Variants in ZBTB2 observed in about 807,000 individuals in gnomAD.
ZBTB2 encodes the protein zinc finger and BTB domain containing 2.
ZBTB2 carries 2 observed loss-of-function variants against 39.5 expected under a neutral mutation model. That is an observed-to-expected ratio of 0.05 (90% CI 0.02 to 0.16). The LOEUF is 0.16. Among genes scored for constraint, ZBTB2 ranks in the 10% least tolerant of loss-of-function variants. ZBTB2 has a pLI of 1.00. For synonymous variants in ZBTB2, 251 were observed against 256.6 expected (o/e 0.98, Z 0.21); for missense variants, 391 against 653.0 (o/e 0.60, Z 4.37).
intron 1 of ZBTB2, among the ~76,000 whole-genome samples, chr6:151,387,042 G>C (rs1021233453): frequency 2.0e-5 from 3 of 152,172 alleles, no homozygotes; most frequent in East Asian, 1.9e-4. Flanking sequence ...TGTTTTGGTT[G>C]AGTAGTGAAG....
chr6:151,367,283 GTTAA>G, intron 2 of ZBTB2, among the ~76,000 whole-genome samples: 1 of 152,198 alleles, frequency 6.6e-6, no homozygotes, highest in South Asian at 2.1e-4. Flanking sequence ...ACCACGCCCA[GTTAA>G]TTTTTGTATT....
intron 1 of ZBTB2, among the ~76,000 whole-genome samples, chr6:151,381,465 G>A (rs1408439525): frequency 2.0e-5 from 3 of 151,930 alleles, no homozygotes; most frequent in Non-Finnish European, 4.4e-5. Flanking sequence ...AGGTTGCAGT[G>A]AGCCAAGATC....
intron 1 of ZBTB2, among the ~76,000 whole-genome samples, chr6:151,381,090 A>G (rs1459777507): frequency 6.6e-6 from 1 of 152,032 alleles, no homozygotes; most frequent in Non-Finnish European, 1.5e-5. Flanking sequence ...ATTAATTGAA[A>G]CTTTACCCTC....
chr6:151,372,936 C>T (rs1448343274), intron 2 of ZBTB2, among the ~76,000 whole-genome samples: 3 of 151,996 alleles, frequency 2.0e-5, no homozygotes, highest in South Asian at 2.1e-4. Context: ...GGGCAGATCA[C>T]GAGGTCAGGA....
intron 1 of ZBTB2, among the ~76,000 whole-genome samples, chr6:151,382,983 T>C (rs1779070609): frequency 6.6e-6 from 1 of 151,732 alleles, no homozygotes; most frequent in Non-Finnish European, 1.5e-5. Context: ...TGGAGTGCAG[T>C]GGTGTGATCT....
chr6:151,378,422 GA>G (rs1379729815), intron 1 of ZBTB2, among the ~76,000 whole-genome samples: 7 of 152,162 alleles, frequency 4.6e-5, no homozygotes, highest in African/African-American at 1.2e-4. Flanking sequence ...GTATGCCAGA[GA>G]AGGTGAAAGC....
In ZBTB2 at chr6:151,375,051, C is replaced by T. The variant is rs554808132; in HGVS notation, c.-12-1402G>A. On this transcript the variant is annotated intron_variant, in intron 1 of 2. Transcript: ENST00000325144. ...AGGAGAATGGCATGAACCCAGGAGG[C>T]GGAGCTTGCGGTGAGCCGAGCTCAC... Among the ~76,000 whole-genome samples the T allele has an allele frequency of 2.6e-5, 4 of 151,714 alleles. No individual in the cohort carries two copies. The East Asian group carries it at 5.8e-4, about 22-fold the overall frequency.
intron 1 of ZBTB2, among the ~76,000 whole-genome samples, chr6:151,379,352 A>G (rs1186096626): frequency 6.6e-6 from 1 of 152,158 alleles, no homozygotes; most frequent in African/African-American, 2.4e-5. Context: ...CCAATTTAAT[A>G]AAACCAGGCC....
rs529995614 is a variant in ZBTB2 at position 151,390,085 on chromosome 6, G to A, written c.-13+1335C>T. 1.2e-4 allele frequency among the ~76,000 whole-genome samples: 18 copies of A among 152,076 alleles called. 1 individual carries two copies. Among genetic ancestry groups the A allele is most frequent in the Admixed American group, 7.8e-4 (12 of 15,300 alleles). ...AGCAGCCGAAAGCACAGCGCGCTCGGGGCCAAACCGGGCTGTATCGCAGGC... is the reference window on the plus strand; with the variant it reads ...AGCAGCCGAAAGCACAGCGCGCTCGAGGCCAAACCGGGCTGTATCGCAGGC... On this transcript the variant is annotated intron_variant, in intron 1 of 2. Transcript: ENST00000325144.
At chr6:151,380,232 T>C (rs1025137167) in intron 1 of ZBTB2, among the ~76,000 whole-genome samples, 3 of 151,102 alleles carry the variant, frequency 2.0e-5, no homozygotes, top group Non-Finnish European at 4.4e-5. Context: ...TTGAAAAAAA[T>C]CTTCTTTTGG....
intron 1 of ZBTB2, among the ~76,000 whole-genome samples, chr6:151,378,349 A>C (rs1366033104): frequency 1.3e-5 from 2 of 152,200 alleles, no homozygotes; most frequent in Non-Finnish European, 2.9e-5. Context: ...TTTGGGTATA[A>C]AGACCTAGAC....
chr6:151,390,461 A>C (rs1342419486), intron 1 of ZBTB2, among the ~76,000 whole-genome samples: 2 of 148,212 alleles, frequency 1.3e-5, no homozygotes, highest in African/African-American at 4.9e-5. Context: ...CGCTCGCCCC[A>C]AGTCCCGCGG....
chr6:151,378,572 C>T (rs1385569241), intron 1 of ZBTB2, among the ~76,000 whole-genome samples: 2 of 152,202 alleles, frequency 1.3e-5, no homozygotes, highest in African/African-American at 2.4e-5. Flanking sequence ...AACTTAGAAG[C>T]TTGTCTTCAA....
Position 151,366,074 on chromosome 6 carries a change from C to G in ZBTB2, c.992G>C (p.Gly331Ala). The change falls in exon 3 of 3, where the codon GGG becomes GCG. Residue 331 changes from glycine to alanine, a missense_variant. Physicochemically the swap from Gly to Ala is moderately conservative, Grantham distance 60 (BLOSUM62 0). Coordinates refer to ENST00000325144, the MANE Select transcript of ZBTB2 (RefSeq NM_020861.3). This position sits in a 1 kb window ranked among gnomAD's most constrained non-coding sequence, Gnocchi z 7.1. ...QHISDSPIID[G>A]QQQSETPPPS... Reference sequence around the variant, plus strand: ...GGGTGGGGTTTCCGACTGCTGCTGCCCATCGATGATGGGAGAATCAGAGAT... The same window carrying G: ...GGGTGGGGTTTCCGACTGCTGCTGCGCATCGATGATGGGAGAATCAGAGAT... 1 of 1,614,144 alleles carries G rather than the reference C, an allele frequency of 6.2e-7. No individual in the cohort carries two copies. Among genetic ancestry groups the G allele is most frequent in the Non-Finnish European group, 8.5e-7 (1 of 1,180,042 alleles).
At chr6:151,384,593 ATT>A (rs1562770950) in intron 1 of ZBTB2, among the ~76,000 whole-genome samples, 202 of 152,348 alleles carry the variant, frequency 1.3e-3, no homozygotes, top group African/African-American at 4.7e-3. Context: ...TAGACTTCTT[ATT>A]TGTATAACCG....
In ZBTB2 at chr6:151,366,678, A is replaced by C; in HGVS notation, c.388T>G (p.Ser130Ala). 1 of 1,614,112 alleles carries C rather than the reference A, an allele frequency of 6.2e-7. No homozygotes were observed. The highest frequency in any genetic ancestry group is 1.1e-5 in the South Asian group (1 of 91,072). The change falls in exon 3 of 3, where the codon TCT becomes GCT. Residue 130 changes from serine to alanine, a missense_variant. By Grantham distance (99) the Ser-to-Ala change is moderately conservative (BLOSUM62 1). This residue lies in a region of ZBTB2 where 175 missense variants were observed against 198.6 expected (regional missense o/e 0.88). Transcript: ENST00000325144. This position sits in a 1 kb window ranked among gnomAD's most constrained non-coding sequence, Gnocchi z 7.1. ...SHPDQVFPLA[S>A]SLYGIQIADH... ...GCAATCTGAATGCCATACAATGAAG[A>C]AGCCAGTGGGAAAACTTGGTCAGGG...
chr6:151,384,472 A>G (rs1050181103), intron 1 of ZBTB2, among the ~76,000 whole-genome samples: 13 of 152,232 alleles, frequency 8.5e-5, no homozygotes, highest in African/African-American at 3.1e-4. Flanking sequence ...ACTGAGAAAG[A>G]TGGAGGAAAT....
intron 1 of ZBTB2, among the ~76,000 whole-genome samples, chr6:151,390,541 G>A (rs1779268878): frequency 6.6e-6 from 1 of 150,448 alleles, no homozygotes; most frequent in Non-Finnish European, 1.5e-5. Context: ...CGGCGCCGGG[G>A]GCGGGGGTGG....
intron 2 of ZBTB2, among the ~76,000 whole-genome samples, chr6:151,370,556 C>T (rs1562765054): frequency 6.6e-6 from 1 of 152,128 alleles, no homozygotes; most frequent in Admixed American, 6.5e-5. Context: ...AAGGCCTCTC[C>T]CTCAGTGGTT....
Sources: allele counts gnomAD v4.1 joint callset (sites outside exome capture counted in the v4.1 genomes callset), GRCh38; gene constraint gnomAD v4.1.1; regional missense constraint gnomAD v4.1.1; non-coding constraint Gnocchi (gnomAD v3.1); transcripts MANE v1.5; gene names NCBI Gene and HGNC (gene_info 2026-07-23, HGNC 2026-07-21).